The following RWDD1 variants were observed in gnomAD, a reference collection of about 807,000 sequenced individuals.
RWDD1 encodes RWD domain-containing protein 1.
A neutral mutation model predicts 31.6 loss-of-function variants in RWDD1; 17 were observed. The observed-to-expected ratio is 0.54, with a 90% CI of 0.37 to 0.81. The LOEUF is 0.81. RWDD1 is among the 30% of genes least tolerant of loss of function. The pLI, the probability that RWDD1 is intolerant of heterozygous loss-of-function variation, is 0.00. For synonymous variants in RWDD1, 78 were observed against 94.2 expected (o/e 0.83, Z 0.99); for missense variants, 204 against 274.5 (o/e 0.74, Z 1.82).
rs560358554 is a variant in RWDD1, at chr6:116,580,036, A to AT, written c.74-253dup. 2.6e-3 allele frequency among the ~76,000 whole-genome samples: 402 copies of AT among 152,244 alleles called. 1 individual carries two copies. Among genetic ancestry groups the AT allele is most frequent in the Non-Finnish European group, 4.1e-3 (277 of 68,010 alleles). On this transcript the variant is annotated intron_variant, in intron 1 of 6. Coordinates refer to ENST00000466444, the MANE Select transcript of RWDD1 (RefSeq NM_015952.4). ...TTTAAAATAAACGGTAAACTACCTC[A>AT]TTTTTTCAGTTGACTTGGTAAAACT...
chr6:116,592,948 GA>G, intron 6 of RWDD1, 31 bp from the exon 7 acceptor site: 3 of 1,465,426 alleles, frequency 2.0e-6, no homozygotes, highest in Non-Finnish European at 2.8e-6. Context: ...GACTAAAGGA[GA>G]TTTTTTTTTT....
chr6:116,571,662 C>T lies in RWDD1; in HGVS notation c.73+7C>T. On this transcript the variant is annotated splice_region_variant and intron_variant, in intron 1 of 6. Coordinates refer to ENST00000466444, the MANE Select transcript of RWDD1 (RefSeq NM_015952.4). Reference sequence around the variant, plus strand: ...TACCCTGACTCCTTCACAGGTGACTCCCGCGGCCGCAAGCCTGTAGCCGCC... The same window carrying T: ...TACCCTGACTCCTTCACAGGTGACTTCCGCGGCCGCAAGCCTGTAGCCGCC... 1 of 1,608,702 alleles carries T rather than the reference C, an allele frequency of 6.2e-7. No individual in the cohort carries two copies.
intron 3 of RWDD1, 40 bp from the exon 4 acceptor site, chr6:116,588,802 T>C (rs767900003): frequency 2.1e-6 from 3 of 1,456,828 alleles, no homozygotes; most frequent in Non-Finnish European, 2.7e-6. Context: ...ACTTTTATTT[T>C]TCTGAGAGTT....
intron 1 of RWDD1, among the ~76,000 whole-genome samples, chr6:116,574,547 C>T (rs1039282066): frequency 1.3e-4 from 19 of 151,968 alleles, no homozygotes; most frequent in African/African-American, 4.6e-4. Context: ...TTAGCTGCTA[C>T]CTCTATTATC....
chr6:116,571,717 C>T (rs1276478034), intron 1 of RWDD1, 62 bp downstream of exon 1: 2 of 1,502,940 alleles, frequency 1.3e-6, no homozygotes, highest in Non-Finnish European at 1.8e-6. Context: ...GCAGGAGCTG[C>T]CGCAGCTCTG....
chr6:116,594,740 GT>G lies in RWDD1; in HGVS notation c.*1643del, dbSNP rs1775214114. The G allele has an allele frequency of 6.6e-6, 1 of 152,174 alleles. No homozygotes were observed. Among genetic ancestry groups the G allele is most frequent in the Non-Finnish European group, 1.5e-5 (1 of 68,030 alleles). The allele number at this position is 152,174 out of a possible 1,614,324, so 9.4% of individuals were successfully genotyped here. A position where few individuals can be genotyped will look rare whatever the true frequency, so the allele number is the denominator to read the frequency against. On this transcript the variant is annotated 3_prime_UTR_variant, in exon 7 of 7. Coordinates refer to ENST00000466444, the MANE Select transcript of RWDD1 (RefSeq NM_015952.4). ...TCATGCAAGTTATTCAGTCACTACA[GT>G]TTTGGAGGACTGACTCTTAACCCCA...
intron 1 of RWDD1, among the ~76,000 whole-genome samples, chr6:116,577,416 G>C (rs1774866609): frequency 6.6e-6 from 1 of 151,548 alleles, no homozygotes; most frequent in Non-Finnish European, 1.5e-5. Flanking sequence ...ATCTCATTTA[G>C]TCTAATGGCT....
At chr6:116,580,211 G>A (rs903370173) in intron 1 of RWDD1, 84 bp from the exon 2 acceptor site, 1 of 873,010 alleles carries the variant, frequency 1.1e-6, no homozygotes, top group East Asian at 2.7e-5. Context: ...CAGTTTCTAG[G>A]ACTGGGTACT....
intron 1 of RWDD1, among the ~76,000 whole-genome samples, chr6:116,576,388 A>G (rs1774841018): frequency 6.6e-6 from 1 of 152,174 alleles, no homozygotes; most frequent in Non-Finnish European, 1.5e-5. Context: ...ACACCTTGAA[A>G]ATGCCATCTC....
intron 2 of RWDD1, among the ~76,000 whole-genome samples, chr6:116,581,217 A>G (rs959216452): frequency 9.2e-5 from 14 of 152,112 alleles, no homozygotes; most frequent in Admixed American, 2.0e-4. Context: ...ATTTTTCTGT[A>G]ATGCTTTAAA....
intron 3 of RWDD1, among the ~76,000 whole-genome samples, chr6:116,586,431 T>C (rs1775041062): frequency 6.6e-6 from 1 of 152,134 alleles, no homozygotes; most frequent in African/African-American, 2.4e-5. Flanking sequence ...TATTCTCTTT[T>C]GCACATAATA....
Position 116,580,351 on chromosome 6 carries a change from A to G in RWDD1, c.130A>G (p.Asn44Asp). The part of the protein sequence containing the change: ...TITVTSEAGE[N>D]DETVQTTLKF... ...TACTGTGACGTCTGAGGCTGGAGAAAATGATGAAAGTAAGTCTTATAAAAA... is the reference window on the plus strand; with the variant it reads ...TACTGTGACGTCTGAGGCTGGAGAAGATGATGAAAGTAAGTCTTATAAAAA... The change falls in exon 2 of 7, where the codon AAT becomes GAT. Residue 44 changes from asparagine to aspartate, a missense_variant. Transcript: ENST00000466444. 5 of 1,599,736 alleles carry G rather than the reference A, an allele frequency of 3.1e-6. No homozygotes were observed. The highest frequency in any genetic ancestry group is 4.3e-6 in the Non-Finnish European group (5 of 1,171,080).
At chr6:116,583,991 C>T (rs1347130737) in intron 2 of RWDD1, among the ~76,000 whole-genome samples, 1 of 152,094 alleles carries the variant, frequency 6.6e-6, no homozygotes, top group Non-Finnish European at 1.5e-5. Flanking sequence ...AAAGATGGCA[C>T]TCTGGGAAAA....
At chr6:116,591,236 A>G (rs1775139238) in intron 6 of RWDD1, among the ~76,000 whole-genome samples, 1 of 152,226 alleles carries the variant, frequency 6.6e-6, no homozygotes, top group African/African-American at 2.4e-5. Context: ...AATAAATTCT[A>G]GTGGTTGACT....
intron 2 of RWDD1, among the ~76,000 whole-genome samples, chr6:116,583,978 A>G (rs1325493809): frequency 6.6e-6 from 1 of 152,264 alleles, no homozygotes; most frequent in African/African-American, 2.4e-5. Context: ...TGTGAGTTAC[A>G]CAAAAGATGG....
At chr6:116,572,711 G>A (rs1774761455) in intron 1 of RWDD1, 3 of 275,608 alleles carry the variant, frequency 1.1e-5, no homozygotes, top group Non-Finnish European at 1.7e-5. Flanking sequence ...GCCTATCGTT[G>A]ATAGTCAGAA....
chr6:116,585,026 A>C (rs1015494857), intron 3 of RWDD1, among the ~76,000 whole-genome samples, 169 bp downstream of exon 3: 1 of 152,172 alleles, frequency 6.6e-6, no homozygotes. Flanking sequence ...CTGTCCCTTT[A>C]AAATTTGAGT....
chr6:116,591,947 C>G (rs1394426809), intron 6 of RWDD1, among the ~76,000 whole-genome samples: 3 of 152,198 alleles, frequency 2.0e-5, no homozygotes, highest in African/African-American at 7.2e-5. Flanking sequence ...ATACCTTTTC[C>G]TTTTCTGATT....
intron 2 of RWDD1, among the ~76,000 whole-genome samples, chr6:116,583,453 G>C (rs932094174): frequency 1.5e-4 from 23 of 152,068 alleles, no homozygotes; most frequent in Admixed American, 2.0e-4. Context: ...ACAACATAGT[G>C]ACTATAATTA....
Sources: gnomAD v4.1 joint callset for allele counts (sites outside exome capture counted in the v4.1 genomes callset) on GRCh38, gnomAD v4.1.1 for gene constraint, MANE v1.5 for transcripts, NCBI Gene and HGNC (gene_info 2026-07-23, HGNC 2026-07-21) for gene names.